The following CCL26 variants were observed in gnomAD, a reference collection of about 807,000 sequenced individuals.
CCL26 encodes C-C motif chemokine ligand 26.
A neutral mutation model predicts 10.7 loss-of-function variants in CCL26; 10 were observed. The observed-to-expected ratio is 0.93, with a 90% CI of 0.57 to 1.58. CCL26 has a LOEUF of 1.58. Among genes scored for constraint, CCL26 ranks in the 40% most tolerant of loss-of-function variants. The probability of loss-of-function intolerance (pLI) is 0.00; values close to 1 mark genes in which losing one functional copy is unlikely to be tolerated. For missense variants in CCL26, 116 were observed against 111.0 expected, an observed-to-expected ratio of 1.05 and a Z score of -0.20; for synonymous variants, 43 against 41.4, an observed-to-expected ratio of 1.04 and a Z score of -0.15.
upstream of CCL26, among the ~76,000 whole-genome samples, chr7:75,774,436 G>A (rs1802891170): frequency 6.7e-6 from 1 of 148,902 alleles, no homozygotes; most frequent in African/African-American, 2.5e-5. Context: ...GGCATAAACC[G>A]CCATGCCCAG....
intron 1 of CCL26, among the ~76,000 whole-genome samples, chr7:75,779,683 C>T (rs555782237): frequency 2.2e-4 from 33 of 152,234 alleles, no homozygotes; most frequent in Non-Finnish European, 4.1e-4. Flanking sequence ...CACGCGGGGA[C>T]GCGTGCCTGA....
At chr7:75,774,586 C>A (rs1802894076), upstream of CCL26, among the ~76,000 whole-genome samples, 1 of 152,004 alleles carries the variant, frequency 6.6e-6, no homozygotes, top group Non-Finnish European at 1.5e-5. Flanking sequence ...GCTAGGATTA[C>A]AGGCATGCAC....
chr7:75,780,882 A>T (rs782573151), intron 1 of CCL26, among the ~76,000 whole-genome samples: 3 of 149,928 alleles, frequency 2.0e-5, no homozygotes, highest in Non-Finnish European at 4.4e-5. Context: ...ACCTCCTCAC[A>T]CCCCGTCCGG....
intron 1 of CCL26, among the ~76,000 whole-genome samples, chr7:75,782,930 A>T (rs1191712791): frequency 6.6e-6 from 1 of 151,710 alleles, no homozygotes; most frequent in Non-Finnish European, 1.5e-5. Context: ...CCTTTTCTCC[A>T]GGCTGCTCCT....
chr7:75,786,695 G>A (rs797031875), intron 1 of CCL26, among the ~76,000 whole-genome samples: 37 of 152,204 alleles, frequency 2.4e-4, no homozygotes, highest in African/African-American at 8.4e-4. Flanking sequence ...ACGTTCCAAT[G>A]GCCAGTTTTT....
At chr7:75,779,523 A>G (rs1554529170) in intron 1 of CCL26, among the ~76,000 whole-genome samples, 1 of 151,886 alleles carries the variant, frequency 6.6e-6, no homozygotes, top group Non-Finnish European at 1.5e-5. Flanking sequence ...TCTCCTTTCA[A>G]TCTTGGCACC....
chr7:75,791,089 C>T (rs187969213), upstream of CCL26, among the ~76,000 whole-genome samples: 305 of 148,038 alleles, frequency 2.1e-3, 1 homozygote, highest in African/African-American at 7.4e-3. Flanking sequence ...TGCAATGGCA[C>T]GATCTCGGCT....
chr7:75,779,396 C>T (rs1803012071), intron 1 of CCL26, among the ~76,000 whole-genome samples: 2 of 152,264 alleles, frequency 1.3e-5, no homozygotes, highest in Admixed American at 1.3e-4. Flanking sequence ...AAAGATCCAC[C>T]TATGACCTCA....
upstream of CCL26, among the ~76,000 whole-genome samples, chr7:75,775,686 G>A (rs184743055): frequency 6.6e-6 from 1 of 152,252 alleles, no homozygotes; most frequent in East Asian, 1.9e-4. Flanking sequence ...TCTGTGACCA[G>A]GAACAAGGCC....
At chr7:75,782,020 C>G (rs2115678591) in intron 1 of CCL26, among the ~76,000 whole-genome samples, 1 of 152,286 alleles carries the variant, frequency 6.6e-6, no homozygotes, top group South Asian at 2.1e-4. Context: ...AGTGATCCAC[C>G]TATGACTTCT....
At chr7:75,781,266 G>C (rs1554529428) in intron 1 of CCL26, among the ~76,000 whole-genome samples, 2 of 152,224 alleles carry the variant, frequency 1.3e-5, no homozygotes, top group African/African-American at 4.8e-5. Context: ...CAATAATAGA[G>C]TAGAGGCAGC....
chr7:75,790,203 CTTTCTT>C (rs1343257025), upstream of CCL26, among the ~76,000 whole-genome samples: 15 of 110,132 alleles, frequency 1.4e-4, no homozygotes, highest in East Asian at 3.4e-3. Flanking sequence ...TTCTTTCTTT[CTTTCTT>C]TCTTTCTTTC....
chr7:75,783,840 T>G (rs1803120600), intron 1 of CCL26, among the ~76,000 whole-genome samples: 1 of 151,702 alleles, frequency 6.6e-6, no homozygotes. Flanking sequence ...CCAGTCCAGT[T>G]CATTGCCCAC....
At chr7:75,782,803 T>C (rs1282349651) in intron 1 of CCL26, among the ~76,000 whole-genome samples, 1 of 152,116 alleles carries the variant, frequency 6.6e-6, no homozygotes, top group Non-Finnish European at 1.5e-5. Context: ...TAGTCTCTGC[T>C]CCCAATGAGA....
At chr7:75,776,558 AAGGAAGGAAGGAAGG>A (rs1802945700), upstream of CCL26, among the ~76,000 whole-genome samples, 1 of 149,636 alleles carries the variant, frequency 6.7e-6, no homozygotes, top group African/African-American at 2.4e-5. Context: ...GGAAGGAAGG[AAGGAAGGAAGGAAGG>A]AAGGAAGGAA....
At chr7:75,787,957 A>G (rs1042473442) in intron 1 of CCL26, among the ~76,000 whole-genome samples, 1 of 151,872 alleles carries the variant, frequency 6.6e-6, no homozygotes, top group Non-Finnish European at 1.5e-5. Flanking sequence ...CTTTTTAACA[A>G]CCCCACAATA....
At chr7:75,780,015 G>T (rs924663584) in intron 1 of CCL26, among the ~76,000 whole-genome samples, 1 of 148,270 alleles carries the variant, frequency 6.7e-6, no homozygotes, top group Non-Finnish European at 1.5e-5. Flanking sequence ...CCACTTTCCT[G>T]GGGGGCAAGC....
chr7:75,783,748 C>T (rs1477026521), intron 1 of CCL26, among the ~76,000 whole-genome samples: 1 of 147,342 alleles, frequency 6.8e-6, no homozygotes, highest in African/African-American at 2.5e-5. Context: ...GATCGTGCCA[C>T]TGCACACCAG....
chr7:75,785,503 C>T (rs1471210371), intron 1 of CCL26, among the ~76,000 whole-genome samples: 1 of 152,146 alleles, frequency 6.6e-6, no homozygotes, highest in Non-Finnish European at 1.5e-5. Flanking sequence ...ATTTCTTCTC[C>T]ATCCATTACC....
Sources: allele counts gnomAD v4.1 joint callset (sites outside exome capture counted in the v4.1 genomes callset), GRCh38; gene constraint gnomAD v4.1.1; transcripts MANE v1.5; gene names NCBI Gene and HGNC (gene_info 2026-07-23, HGNC 2026-07-21).